The following SLC71A1 variants were observed in gnomAD, a reference collection of about 807,000 sequenced individuals.
SLC71A1 encodes solute carrier family 71 member 1.
chr1:100,058,699 C>T, the SLC71A1 span: 5 of 1,584,124 alleles, frequency 3.2e-6, no homozygotes, highest in Non-Finnish European at 4.3e-6. Context: ...ACATACATTT[C>T]TGATGAACGG....
At chr1:100,064,967 C>T in the SLC71A1 span, among the ~76,000 whole-genome samples, 1 of 152,084 alleles carries the variant, frequency 6.6e-6, no homozygotes, top group African/African-American at 2.4e-5. Context: ...CTCACTGCAG[C>T]CTCTGTCTCC....
At chr1:100,051,339 C>T in the SLC71A1 span, among the ~76,000 whole-genome samples, 3 of 151,872 alleles carry the variant, frequency 2.0e-5, no homozygotes, top group East Asian at 1.9e-4. Flanking sequence ...TGCAGTGAGC[C>T]GAGACTGCAC....
At chr1:100,049,438 C>T in the SLC71A1 span, among the ~76,000 whole-genome samples, 1 of 150,518 alleles carries the variant, frequency 6.6e-6, no homozygotes, top group African/African-American at 2.4e-5. Context: ...TAAATATAGA[C>T]TCCTTAGCAT....
At chr1:100,080,772 T>G in the SLC71A1 span, 7 of 955,866 alleles carry the variant, frequency 7.3e-6, no homozygotes, top group Non-Finnish European at 1.1e-5. Flanking sequence ...TTGGATAAAA[T>G]GCTTAAAAAC....
chr1:100,066,367 G>C, the SLC71A1 span, among the ~76,000 whole-genome samples: 2 of 152,194 alleles, frequency 1.3e-5, no homozygotes, highest in Non-Finnish European at 2.9e-5. Flanking sequence ...CCTTAGAGCA[G>C]TGGATTTTAG....
the SLC71A1 span, among the ~76,000 whole-genome samples, chr1:100,061,619 C>T: frequency 6.6e-6 from 1 of 152,264 alleles, no homozygotes; most frequent in Admixed American, 6.5e-5. Flanking sequence ...TTAAGTATTC[C>T]TGTATAGTAG....
the SLC71A1 span, among the ~76,000 whole-genome samples, chr1:100,050,967 C>T: frequency 5.9e-5 from 9 of 151,886 alleles, no homozygotes; most frequent in African/African-American, 1.9e-4. Context: ...TGTTTGTAGT[C>T]CCAGCTACTC....
the SLC71A1 span, chr1:100,080,407 G>T: frequency 1.5e-5 from 15 of 1,030,834 alleles, no homozygotes; most frequent in Non-Finnish European, 2.2e-5. Flanking sequence ...CTTGATTTTA[G>T]ATTAAGTGAT....
At chr1:100,061,043 C>G in the SLC71A1 span, among the ~76,000 whole-genome samples, 1 of 151,768 alleles carries the variant, frequency 6.6e-6, no homozygotes, top group African/African-American at 2.4e-5. Flanking sequence ...TGAAATCTTA[C>G]CAAAAATTGA....
chr1:100,054,315 G>T, the SLC71A1 span, among the ~76,000 whole-genome samples: 1 of 151,906 alleles, frequency 6.6e-6, no homozygotes, highest in African/African-American at 2.4e-5. Context: ...CCAGGTTCAA[G>T]CAGTTCTCTG....
At chr1:100,040,483 A>G in the SLC71A1 span, among the ~76,000 whole-genome samples, 54 of 152,138 alleles carry the variant, frequency 3.5e-4, no homozygotes, top group Non-Finnish European at 5.4e-4. Flanking sequence ...TTTGAGATGG[A>G]GTCTCACTCT....
At chr1:100,063,145 C>CGGTT in the SLC71A1 span, among the ~76,000 whole-genome samples, 4 of 151,904 alleles carry the variant, frequency 2.6e-5, no homozygotes, top group African/African-American at 7.3e-5. Flanking sequence ...TGGGGTTGGT[C>CGGTT]GGTTGGTTGG....
At chr1:100,061,100 A>C in the SLC71A1 span, among the ~76,000 whole-genome samples, 1 of 152,208 alleles carries the variant, frequency 6.6e-6, no homozygotes, top group Admixed American at 6.5e-5. Flanking sequence ...TGTGTTAGAA[A>C]AATTTTAGTA....
the SLC71A1 span, among the ~76,000 whole-genome samples, chr1:100,065,447 C>T: frequency 6.6e-6 from 1 of 151,076 alleles, no homozygotes. Flanking sequence ...CTTTTCCTTT[C>T]CTTCCCTTCC....
the SLC71A1 span, among the ~76,000 whole-genome samples, chr1:100,074,386 C>T: frequency 6.6e-6 from 1 of 151,988 alleles, no homozygotes; most frequent in Non-Finnish European, 1.5e-5. Flanking sequence ...ACCAGCCTGG[C>T]CAACATGGTG....
the SLC71A1 span, among the ~76,000 whole-genome samples, chr1:100,066,054 G>A: frequency 6.6e-6 from 1 of 152,114 alleles, no homozygotes; most frequent in African/African-American, 2.4e-5. Flanking sequence ...AGAAATGTCT[G>A]CGGTTAACAG....
At chr1:100,076,124 A>G in the SLC71A1 span, among the ~76,000 whole-genome samples, 2 of 152,202 alleles carry the variant, frequency 1.3e-5, no homozygotes, top group Admixed American at 1.3e-4. Context: ...TAGACAAGAA[A>G]GCTGTGAGTT....
chr1:100,055,481 T>C, the SLC71A1 span, among the ~76,000 whole-genome samples: 1 of 152,126 alleles, frequency 6.6e-6, no homozygotes, highest in Non-Finnish European at 1.5e-5. Context: ...GCAGTAGAAC[T>C]CTAAAAAGAA....
the SLC71A1 span, among the ~76,000 whole-genome samples, chr1:100,047,244 T>C: frequency 6.6e-6 from 1 of 152,210 alleles, no homozygotes; most frequent in Non-Finnish European, 1.5e-5. Flanking sequence ...TATACCATTT[T>C]TGAGAGTTTT....
Sources: allele counts gnomAD v4.1 joint callset (sites outside exome capture counted in the v4.1 genomes callset), GRCh38; gene constraint gnomAD v4.1.1; transcripts MANE v1.5; gene names NCBI Gene and HGNC (gene_info 2026-07-23, HGNC 2026-07-21).